Variants in WSCD2 observed in about 807,000 individuals in gnomAD.
WSCD2 encodes sialate:O-sulfotransferase 2.
WSCD2 carries 28 observed loss-of-function variants against 55.7 expected under a neutral mutation model. The observed-to-expected ratio is 0.50, with a 90% CI of 0.37 to 0.69. The LOEUF (loss-of-function observed/expected upper bound fraction) is 0.69. Ranked by LOEUF, WSCD2 falls within the 30% of genes least tolerant of loss-of-function variation. WSCD2 has a pLI of 0.00. For missense variants in WSCD2, 616 were observed against 762.1 expected (o/e 0.81, Z 2.26); for synonymous variants, 301 against 301.9 (o/e 1.00, Z 0.03).
intron 3 of WSCD2, 120 bp downstream of exon 3, chr12:108,206,523 A>G (rs1885396844): frequency 1.1e-6 from 1 of 931,964 alleles, no homozygotes; most frequent in South Asian, 1.5e-5. Context: ...TGACCACAGG[A>G]AAGGTTGACG....
chr12:108,162,490 A>G (rs1879176787), intron 1 of WSCD2, among the ~76,000 whole-genome samples: 1 of 152,208 alleles, frequency 6.6e-6, no homozygotes, highest in Non-Finnish European at 1.5e-5. Flanking sequence ...TGTGCCCCAC[A>G]CATGTATGAG....
chr12:108,209,210 T>C (rs1260787941), intron 3 of WSCD2, among the ~76,000 whole-genome samples: 4 of 152,210 alleles, frequency 2.6e-5, no homozygotes, highest in African/African-American at 9.7e-5. Context: ...GTGCCTGGAT[T>C]TTTATTTTTA....
At chr12:108,208,990 A>G (rs1394183916) in intron 3 of WSCD2, among the ~76,000 whole-genome samples, 2 of 152,242 alleles carry the variant, frequency 1.3e-5, no homozygotes, top group East Asian at 3.8e-4. Flanking sequence ...ATTCTAGAGA[A>G]CAAGAGCACA....
chr12:108,241,293 A>G (rs1338089579), intron 8 of WSCD2, among the ~76,000 whole-genome samples: 1 of 152,144 alleles, frequency 6.6e-6, no homozygotes, highest in Non-Finnish European at 1.5e-5. Flanking sequence ...GTGGATCAAC[A>G]TTTCAATGCA....
chr12:108,240,416 AAG>A lies in WSCD2; in HGVS notation c.1221_1222del (p.Glu407AspfsTer21), dbSNP rs1226662797. On this transcript the variant is annotated frameshift_variant, in exon 8 of 9. Coordinates refer to ENST00000547525, the MANE Select transcript of WSCD2 (RefSeq NM_014653.4). LOFTEE classifies it high-confidence loss of function. ...ATCAAGACGCACGAAAGCGGCCAGAAAGAGATCGAGGCCTTCGACGCCGCCAT... is the reference window on the plus strand; with the variant it reads ...ATCAAGACGCACGAAAGCGGCCAGAAAGATCGAGGCCTTCGACGCCGCCAT... 6.2e-7 allele frequency: 1 copy of A among 1,614,170 alleles called. No homozygotes were observed. Among genetic ancestry groups the A allele is most frequent in the Admixed American group, 1.7e-5 (1 of 60,032 alleles).
chr12:108,180,050 C>CAAAAAAAAAAAAAAAGAAAAAAAA (rs1881480786), intron 1 of WSCD2, among the ~76,000 whole-genome samples: 2 of 116,672 alleles, frequency 1.7e-5, no homozygotes, highest in Non-Finnish European at 3.5e-5. Flanking sequence ...CTCAAAAAAA[C>CAAAAAAAAAAAAAAAGAAAAAAAA]AAAAAAAAAA....
At chr12:108,244,171 G>T (rs1469306) in intron 8 of WSCD2, among the ~76,000 whole-genome samples, 24,984 of 152,156 alleles carry the variant, frequency 0.16, 2,146 homozygotes, top group Non-Finnish European at 0.17. Context: ...TGACAGTTCC[G>T]GTGGAACCAG....
At chr12:108,168,877 A>T (rs1018443741) in intron 1 of WSCD2, among the ~76,000 whole-genome samples, 5 of 152,176 alleles carry the variant, frequency 3.3e-5, no homozygotes, top group Non-Finnish European at 4.4e-5. Context: ...TGTTAAATCA[A>T]TGTCCTAGTT....
chr12:108,134,188 G>C (rs990988790), intron 1 of WSCD2, among the ~76,000 whole-genome samples: 1 of 152,150 alleles, frequency 6.6e-6, no homozygotes, highest in Non-Finnish European at 1.5e-5. Context: ...TTCAAGGTCC[G>C]CCAGTGCCTG....
intron 1 of WSCD2, among the ~76,000 whole-genome samples, chr12:108,136,356 G>T (rs1400340003): frequency 6.6e-5 from 2 of 30,258 alleles, no homozygotes; most frequent in Non-Finnish European, 1.6e-4. Flanking sequence ...GAATGGGAGA[G>T]AAGTTACATA....
chr12:108,244,659 A>G (rs540597800), intron 8 of WSCD2: 1 of 696,866 alleles, frequency 1.4e-6, no homozygotes, highest in African/African-American at 1.7e-5. Flanking sequence ...AAAGTCACAT[A>G]CCTCATGTGG....
At chr12:108,191,252 A>ATATAGTAG (rs1416609850) in intron 1 of WSCD2, among the ~76,000 whole-genome samples, 18 of 152,370 alleles carry the variant, frequency 1.2e-4, no homozygotes, top group African/African-American at 4.3e-4. Flanking sequence ...AGTATCCAGC[A>ATATAGTAG]TATAGTAGGT....
At chr12:108,226,030 C>T (rs1475828166) in intron 5 of WSCD2, among the ~76,000 whole-genome samples, 1 of 152,058 alleles carries the variant, frequency 6.6e-6, no homozygotes, top group Non-Finnish European at 1.5e-5. Flanking sequence ...CAATACACCA[C>T]AGTAAATGCC....
In WSCD2 at chr12:108,248,568, G is replaced by A. The variant is rs1030582416; in HGVS notation, c.*225G>A. 9 of 1,355,884 alleles carry A rather than the reference G, an allele frequency of 6.6e-6. No individual in the cohort carries two copies. The East Asian group carries it at 2.5e-4, about 38-fold the overall frequency. The allele number at this position is 1,355,884 out of a possible 1,614,324, so 84.0% of individuals were successfully genotyped here. A position where few individuals can be genotyped will look rare whatever the true frequency, so the allele number is the denominator to read the frequency against. On this transcript the variant is annotated 3_prime_UTR_variant, in exon 9 of 9. Transcript: ENST00000547525. This position sits in a 1 kb window ranked among gnomAD's most constrained non-coding sequence, Gnocchi z 4.3. Reference sequence around the variant, plus strand: ...CACATGTTCCCCCCTTGGCAATGTGGGGCATCTTGTTTAGGGGGTTCTAGT... The same window carrying A: ...CACATGTTCCCCCCTTGGCAATGTGAGGCATCTTGTTTAGGGGGTTCTAGT...
intron 7 of WSCD2, among the ~76,000 whole-genome samples, chr12:108,238,092 T>C (rs1397279214): frequency 6.6e-6 from 1 of 152,260 alleles, no homozygotes; most frequent in Admixed American, 6.5e-5. Context: ...TCTACCAGAA[T>C]ACATGACACG....
At chr12:108,189,326 A>C (rs1882891008) in intron 1 of WSCD2, 2 of 152,202 alleles carry the variant, frequency 1.3e-5, no homozygotes, top group South Asian at 4.2e-4. Context: ...GCTAAGTCCC[A>C]CTGGAGAAAT....
chr12:108,203,635 C>T (rs1371780760), intron 2 of WSCD2, among the ~76,000 whole-genome samples: 4 of 152,222 alleles, frequency 2.6e-5, no homozygotes, highest in African/African-American at 9.6e-5. Context: ...CCCCTTCACT[C>T]CATGATGGAC....
At chr12:108,246,143 G>A (rs2137249600) in intron 8 of WSCD2, among the ~76,000 whole-genome samples, 1 of 152,388 alleles carries the variant, frequency 6.6e-6, no homozygotes, top group Non-Finnish European at 1.5e-5. Flanking sequence ...CTTCCTGGCT[G>A]TGTGGCCATG....
intron 1 of WSCD2, among the ~76,000 whole-genome samples, chr12:108,153,351 T>C (rs577489572): frequency 6.6e-6 from 1 of 152,346 alleles, no homozygotes; most frequent in East Asian, 1.9e-4. Context: ...CCATACTCCA[T>C]GAGCCATCCT....
Sources: gnomAD v4.1 joint callset for allele counts (sites outside exome capture counted in the v4.1 genomes callset) on GRCh38, gnomAD v4.1.1 for gene constraint, Gnocchi (gnomAD v3.1) non-coding constraint, MANE v1.5 for transcripts, NCBI Gene and HGNC (gene_info 2026-07-23, HGNC 2026-07-21) for gene names.